GREB1: variants seen among roughly 807,000 people sequenced by gnomAD.
GREB1 encodes protein GREB1.
GREB1 carries 106 observed loss-of-function variants against 200.7 expected under a neutral mutation model. That is an observed-to-expected ratio of 0.53 (90% CI 0.45 to 0.62). The LOEUF (loss-of-function observed/expected upper bound fraction) is 0.62. GREB1 is among the 20% of genes least tolerant of loss of function. The pLI, the probability that GREB1 is intolerant of heterozygous loss-of-function variation, is 0.00. For synonymous variants in GREB1, 1,132 were observed against 1,092.4 expected, an observed-to-expected ratio of 1.04 and a Z score of -0.72; for missense variants, 2,243 against 2,556.8, an observed-to-expected ratio of 0.88 and a Z score of 2.65.
chr2:11,564,098 A>C (rs1301787248), intron 3 of GREB1, among the ~76,000 whole-genome samples: 1 of 152,194 alleles, frequency 6.6e-6, no homozygotes, highest in Non-Finnish European at 1.5e-5. Context: ...GCAAAGGCTT[A>C]GTGGGTGAAA....
chr2:11,537,989 G>A (rs938710486), intron 1 of GREB1, among the ~76,000 whole-genome samples: 9 of 151,986 alleles, frequency 5.9e-5, no homozygotes, highest in African/African-American at 2.2e-4. Flanking sequence ...ATTTTTTGCT[G>A]GGTATTTTGT....
At chr2:11,607,599 T>G (rs144784894) in intron 17 of GREB1, among the ~76,000 whole-genome samples, 24 of 42,036 alleles carry the variant, frequency 5.7e-4, no homozygotes, top group Admixed American at 1.8e-3. Context: ...TATACATATA[T>G]ATACATATAT....
At chr2:11,598,955 A>C (rs1681512964) in intron 15 of GREB1, 95 bp downstream of exon 15, 1 of 1,030,822 alleles carries the variant, frequency 9.7e-7, no homozygotes, top group African/African-American at 1.6e-5. Flanking sequence ...AATCCTGAAA[A>C]GATGGATGAT....
intron 10 of GREB1, among the ~76,000 whole-genome samples, chr2:11,590,991 G>A (rs1558597790): frequency 6.6e-6 from 1 of 152,184 alleles, no homozygotes; most frequent in African/African-American, 2.4e-5. Flanking sequence ...TGATGATGAT[G>A]TATGTGAAGA....
intron 1 of GREB1, among the ~76,000 whole-genome samples, chr2:11,483,626 C>A (rs1036843495): frequency 2.7e-5 from 4 of 149,666 alleles, no homozygotes; most frequent in South Asian, 4.2e-4. Context: ...GTGGGGACTT[C>A]CTAACTGGAT....
upstream of GREB1, among the ~76,000 whole-genome samples, chr2:11,530,406 G>GAA (rs1345139636): frequency 7.3e-6 from 1 of 137,712 alleles, no homozygotes; most frequent in African/African-American, 2.7e-5. Flanking sequence ...TGCCAAATAG[G>GAA]AAAAAAAAAA....
intron 25 of GREB1, 131 bp downstream of exon 25, chr2:11,627,235 A>G (rs964824154): frequency 2.6e-6 from 2 of 764,884 alleles, no homozygotes; most frequent in Non-Finnish European, 4.1e-6. Context: ...GTCTGCTTGC[A>G]TCCTCTGTTC....
intron 17 of GREB1, among the ~76,000 whole-genome samples, chr2:11,605,272 C>T (rs751231476): frequency 4.7e-5 from 7 of 149,942 alleles, no homozygotes; most frequent in Non-Finnish European, 1.0e-4. Flanking sequence ...GTCGCCCAGG[C>T]TGAAGTGCAA....
Position 11,580,686 on chromosome 2 carries a change from C to T in GREB1, c.773-18C>T, listed in dbSNP as rs1393287196. On this transcript the variant is annotated intron_variant, in intron 6 of 32. Transcript: ENST00000381486. The surrounding 1 kb of genome is among the most constrained non-coding windows in gnomAD (Gnocchi z 4.5). ...TCTTGTGAACTGACCCTCCTCTTTG[C>T]CTTCTATCTGTTTTCAGGACCAGCT... The T allele has an allele frequency of 1.3e-6, 2 of 1,598,936 alleles. No individual in the cohort carries two copies. The highest frequency in any genetic ancestry group is 1.7e-6 in the Non-Finnish European group (2 of 1,170,288).
At chr2:11,565,039 A>G (rs1677482327) in intron 3 of GREB1, among the ~76,000 whole-genome samples, 1 of 152,186 alleles carries the variant, frequency 6.6e-6, no homozygotes, top group Non-Finnish European at 1.5e-5. Context: ...TATCCCTCCC[A>G]CAATATGTGG....
At chr2:11,590,533 C>A (rs943950797) in intron 10 of GREB1, among the ~76,000 whole-genome samples, 17 of 152,192 alleles carry the variant, frequency 1.1e-4, no homozygotes, top group African/African-American at 3.9e-4. Context: ...GTGGCTTGCT[C>A]CCTTATGTCC....
At chr2:11,485,259 T>TTATTTTATTATATATA (rs1368326346) in intron 1 of GREB1, among the ~76,000 whole-genome samples, 8 of 124,192 alleles carry the variant, frequency 6.4e-5, no homozygotes, top group African/African-American at 2.0e-4. Context: ...TTATTTTATT[T>TTATTTTATTATATATA]TATATATATA....
chr2:11,624,629 G>A (rs1285455469), intron 23 of GREB1, among the ~76,000 whole-genome samples: 1 of 152,148 alleles, frequency 6.6e-6, no homozygotes, highest in Non-Finnish European at 1.5e-5. Context: ...ACAGGCATGA[G>A]CCACCATGCC....
intron 26 of GREB1, among the ~76,000 whole-genome samples, chr2:11,631,371 TG>T (rs1295335151): frequency 6.6e-6 from 1 of 152,238 alleles, no homozygotes; most frequent in Non-Finnish European, 1.5e-5. Context: ...ACAAGAATAA[TG>T]TGTGCTCTGG....
chr2:11,502,130 T>C (rs1179900267), intron 1 of GREB1, among the ~76,000 whole-genome samples: 1 of 151,412 alleles, frequency 6.6e-6, no homozygotes, highest in Non-Finnish European at 1.5e-5. Flanking sequence ...TTGGCCAGGC[T>C]GGTCTCGAAC....
chr2:11,556,917 G>T (rs1435414740), intron 2 of GREB1, 146 bp downstream of exon 2: 11 of 630,710 alleles, frequency 1.7e-5, no homozygotes, highest in Non-Finnish European at 2.8e-5. Flanking sequence ...CTGGGTACAA[G>T]TTCTTACTTT....
chr2:11,612,335 T>G, intron 18 of GREB1, 160 bp from the exon 19 acceptor site: 12 of 1,372,318 alleles, frequency 8.7e-6, no homozygotes, highest in South Asian at 1.5e-5. Context: ...GGTGGCCAAG[T>G]GGATGGTGTG....
At chr2:11,555,035 T>G (rs574106751) in intron 1 of GREB1, among the ~76,000 whole-genome samples, 51 of 152,348 alleles carry the variant, frequency 3.3e-4, no homozygotes, top group African/African-American at 1.1e-3. Flanking sequence ...GAACACTTCA[T>G]ACTAAACCTT....
chr2:11,483,687 G>GTGTGTGTGTGT (rs1672573952), intron 1 of GREB1, among the ~76,000 whole-genome samples: 4 of 132,306 alleles, frequency 3.0e-5, no homozygotes, highest in African/African-American at 1.1e-4. Flanking sequence ...TACAAGAAGG[G>GTGTGTGTGTGT]GTGTGTGTGT....
Sources: gnomAD v4.1 joint callset for allele counts (sites outside exome capture counted in the v4.1 genomes callset) on GRCh38, gnomAD v4.1.1 for gene constraint, Gnocchi (gnomAD v3.1) non-coding constraint, MANE v1.5 for transcripts, NCBI Gene and HGNC (gene_info 2026-07-23, HGNC 2026-07-21) for gene names.